EXPH5: variants seen among roughly 807,000 people sequenced by gnomAD.
EXPH5 encodes exophilin-5.
EXPH5 carries 42 observed loss-of-function variants against 41.1 expected under a neutral mutation model. The observed-to-expected ratio is 1.02, with a 90% CI of 0.80 to 1.32. The LOEUF (loss-of-function observed/expected upper bound fraction) is 1.32. EXPH5 is among the 40% of genes most tolerant of loss of function. The pLI is 0.00. For synonymous variants in EXPH5, 798 were observed against 833.5 expected, an observed-to-expected ratio of 0.96 and a Z score of 0.73; for missense variants, 2,298 against 2,314.5, an observed-to-expected ratio of 0.99 and a Z score of 0.15.
Position 108,564,659 on chromosome 11 carries a change from G to A in EXPH5, c.120-22847C>T, listed in dbSNP as rs1404056773. On this transcript the variant is annotated intron_variant, in intron 1 of 5. Transcript: ENST00000265843. ...CTTGATGTGGAATTGCCAGGCCAAA[G>A]GATGAACATGTTTTAATGACTTATG... Among the ~76,000 whole-genome samples, 7 of 152,182 alleles carry A rather than the reference G, an allele frequency of 4.6e-5. No homozygotes were observed. The South Asian group carries it at 1.5e-3, about 32-fold the overall frequency.
chr11:108,566,688 A>AAAAT (rs377605975), intron 1 of EXPH5, among the ~76,000 whole-genome samples: 95 of 152,032 alleles, frequency 6.2e-4, no homozygotes, highest in East Asian at 3.3e-3. Context: ...CCCCATCTCT[A>AAAAT]AAATAAATAA....
intron 4 of EXPH5, among the ~76,000 whole-genome samples, chr11:108,525,913 C>CT (rs2093795378): frequency 3.0e-5 from 4 of 134,092 alleles, no homozygotes; most frequent in South Asian, 2.5e-4. Context: ...TTTTCTTTTT[C>CT]TTTTCTTTTT....
At chr11:108,560,321 G>T (rs984179866) in intron 1 of EXPH5, among the ~76,000 whole-genome samples, 5 of 152,220 alleles carry the variant, frequency 3.3e-5, no homozygotes, top group African/African-American at 1.2e-4. Context: ...TATTTTCAAA[G>T]AGTTAACTTT....
intron 3 of EXPH5, among the ~76,000 whole-genome samples, chr11:108,531,754 G>C (rs558643601): frequency 3.3e-5 from 5 of 152,282 alleles, no homozygotes; most frequent in East Asian, 3.9e-4. Flanking sequence ...CCTCCACCTG[G>C]ATGGCCACAG....
chr11:108,607,221 CAG>C, the EXPH5 span, among the ~76,000 whole-genome samples: 2 of 152,108 alleles, frequency 1.3e-5, no homozygotes, highest in African/African-American at 2.4e-5. Context: ...AACTGAAAGA[CAG>C]AAAGAATTCT....
intron 1 of EXPH5, among the ~76,000 whole-genome samples, chr11:108,582,275 C>A (rs1308425903): frequency 6.6e-6 from 1 of 151,932 alleles, no homozygotes; most frequent in South Asian, 2.1e-4. Context: ...TCAGCCTGGG[C>A]AATATGGTGA....
At chr11:108,532,355 TATATATATATA>T (rs375496152) in intron 3 of EXPH5, among the ~76,000 whole-genome samples, 506 of 18,812 alleles carry the variant, frequency 0.027, 13 homozygotes, top group East Asian at 0.067. Context: ...TATATATATA[TATATATATATA>T]TTTTTTTTTT....
At chr11:108,528,675 CTTTTCTTTT>C (rs1352963313) in intron 3 of EXPH5, among the ~76,000 whole-genome samples, 7 of 113,820 alleles carry the variant, frequency 6.2e-5, no homozygotes, top group African/African-American at 1.9e-4. Context: ...AGCCCTCTTT[CTTTTCTTTT>C]TTTTCTTTCC....
chr11:108,538,180 C>G, intron 3 of EXPH5: 7 of 985,502 alleles, frequency 7.1e-6, no homozygotes, highest in Non-Finnish European at 8.4e-6. Flanking sequence ...TGTTTCTCAG[C>G]GACAGTGACC....
chr11:108,591,674 GT>G (rs977552055), intron 1 of EXPH5, among the ~76,000 whole-genome samples: 6 of 152,204 alleles, frequency 3.9e-5, no homozygotes, highest in African/African-American at 1.4e-4. Context: ...TAGAAAATGT[GT>G]TTTGACCTTC....
In EXPH5 at chr11:108,511,597, C is replaced by T. The variant is rs773332205; in HGVS notation, c.3910G>A (p.Glu1304Lys). The change falls in exon 6 of 6, where the codon GAG (glutamate) becomes AAG (lysine). Residue 1304 changes from glutamate to lysine, a missense_variant. Coordinates refer to ENST00000265843, the MANE Select transcript of EXPH5 (RefSeq NM_015065.3). ...EKDKQNYSTR[E>K]QSGTPSCENL... ...TCACATGAAGGTGTTCCTGACTGCT[C>T]TCGTGTAGAATAATTCTGTTTGTCT... The T allele has an allele frequency of 6.2e-7, 1 of 1,613,578 alleles. No homozygotes were observed. The highest frequency in any genetic ancestry group is 8.5e-7 in the Non-Finnish European group (1 of 1,179,894).
chr11:108,551,602 G>A (rs536349737), intron 1 of EXPH5, among the ~76,000 whole-genome samples: 1 of 151,694 alleles, frequency 6.6e-6, no homozygotes, highest in East Asian at 1.9e-4. Flanking sequence ...TGATCTTCGC[G>A]GACCTGACCG....
At position 108,509,466 on chromosome 11, in the gene EXPH5, C is replaced by G; in HGVS notation, c.*71G>C. On this transcript the variant is annotated 3_prime_UTR_variant, in exon 6 of 6. Coordinates refer to ENST00000265843, the MANE Select transcript of EXPH5 (RefSeq NM_015065.3). ...ACTAGATCTTTTATCCTTCCATGCA[C>G]ATGCACATGTACACCTTAGTTCCAT... 2.2e-6 allele frequency: 3 copies of G among 1,393,368 alleles called. No homozygotes were observed. Among genetic ancestry groups the G allele is most frequent in the Non-Finnish European group, 2.9e-6 (3 of 1,033,128 alleles). The allele number at this position is 1,393,368 out of a possible 1,614,324, so 86.3% of individuals were successfully genotyped here. A position where few individuals can be genotyped will look rare whatever the true frequency, so the allele number is the denominator to read the frequency against.
intron 1 of EXPH5, among the ~76,000 whole-genome samples, chr11:108,542,143 G>A (rs1387289287): frequency 2.6e-5 from 4 of 152,126 alleles, no homozygotes; most frequent in Admixed American, 6.5e-5. Flanking sequence ...GCCTCCCAAA[G>A]TGCTGGGATT....
At chr11:108,591,131 CTTCCCT>C (rs1297410464) in intron 1 of EXPH5, among the ~76,000 whole-genome samples, 1 of 152,222 alleles carries the variant, frequency 6.6e-6, no homozygotes, top group Non-Finnish European at 1.5e-5. Flanking sequence ...AGTAAAAAGG[CTTCCCT>C]GAGTCTCTCA....
Position 108,555,925 on chromosome 11 carries a change from C to T in EXPH5, c.120-14113G>A, listed in dbSNP as rs192266704. Among the ~76,000 whole-genome samples, 344 of 152,262 alleles carry T rather than the reference C, an allele frequency of 2.3e-3. 2 individuals carry two copies. The highest frequency in any genetic ancestry group is 6.8e-3 in the Middle Eastern group (2 of 294). Reference sequence around the variant, plus strand: ...AGTCTCAGGTATGCTTTCATAGCAGCGTGAGAACGGACGTATACAAGCCCC... The same window carrying T: ...AGTCTCAGGTATGCTTTCATAGCAGTGTGAGAACGGACGTATACAAGCCCC... On this transcript the variant is annotated intron_variant, in intron 1 of 5. Transcript: ENST00000265843.
chr11:108,518,325 T>C lies in EXPH5; in HGVS notation c.541A>G (p.Thr181Ala), dbSNP rs781167190. ...ATGACTGCTGGCTTTGGGACAAATGTACTGTCAACTAGATGATTTTCCAGA... is the reference window on the plus strand; with the variant it reads ...ATGACTGCTGGCTTTGGGACAAATGCACTGTCAACTAGATGATTTTCCAGA... Reference protein sequence around the residue: ...SPLENHLVDSTFVPKPAVMRE... With the variant: ...SPLENHLVDSAFVPKPAVMRE... Residue 181 changes from threonine to alanine, a missense_variant, in exon 5 of 6, where the codon ACA becomes GCA. Physicochemically the swap from Thr to Ala is moderately conservative, Grantham distance 58. Coordinates refer to ENST00000265843, the MANE Select transcript of EXPH5 (RefSeq NM_015065.3). 1 of 1,614,022 alleles carries C rather than the reference T, an allele frequency of 6.2e-7. No homozygotes were observed. Among genetic ancestry groups the C allele is most frequent in the Non-Finnish European group, 8.5e-7 (1 of 1,179,906 alleles).
rs3802836 is a variant in EXPH5, at chr11:108,510,614, A to G, written c.4893T>C (p.His1631=). The change falls in exon 6 of 6, where the codon CAT becomes CAC. Residue 1631 remains histidine (H), a synonymous_variant. Transcript: ENST00000265843. ...PQSGSRSGFD[H]LSLGTVECNP... ...TGCACTCCACTGTGCCAAGAGATAA[A>G]TGGTCAAAGCCAGATCTGCTTCCAC... The G allele has an allele frequency of 4.8e-4, 780 of 1,614,140 alleles. 8 individuals are homozygous for G. In the East Asian group the frequency reaches 0.016, roughly 34 times the overall value.
chr11:108,541,266 G>T (rs1288786549), intron 2 of EXPH5, among the ~76,000 whole-genome samples: 1 of 152,112 alleles, frequency 6.6e-6, no homozygotes, highest in Non-Finnish European at 1.5e-5. Flanking sequence ...CTTATGAGGT[G>T]TAGGTATCAT....
Sources: allele counts gnomAD v4.1 joint callset (sites outside exome capture counted in the v4.1 genomes callset), GRCh38; gene constraint gnomAD v4.1.1; transcripts MANE v1.5; gene names NCBI Gene and HGNC (gene_info 2026-07-23, HGNC 2026-07-21).